Variants in TMCO4 observed in about 807,000 individuals in gnomAD.
TMCO4 encodes the protein transmembrane and coiled-coil domain-containing protein 4.
In TMCO4, 58 loss-of-function variants were observed where a neutral mutation model predicts 64.7. The ratio of observed to expected loss-of-function variants is 0.90; its 90% CI spans 0.73 to 1.12. The LOEUF is 1.12. Ranked by LOEUF, TMCO4 falls within the 50% of genes most tolerant of loss-of-function variation. The pLI is 0.00. For missense variants in TMCO4, 780 were observed against 825.9 expected (o/e 0.94, Z 0.68); for synonymous variants, 325 against 346.1 (o/e 0.94, Z 0.68).
intron 7 of TMCO4, among the ~76,000 whole-genome samples, chr1:19,754,543 G>C (rs2281248): frequency 6.6e-6 from 1 of 151,888 alleles, no homozygotes; most frequent in Non-Finnish European, 1.5e-5. Context: ...GCTGACCTCG[G>C]GTAACCTGGC....
At chr1:19,741,341 C>T (rs933800299) in intron 10 of TMCO4, among the ~76,000 whole-genome samples, 20 of 152,220 alleles carry the variant, frequency 1.3e-4, no homozygotes, top group Admixed American at 1.2e-3. Flanking sequence ...CATTAAGCTG[C>T]TAATGACATA....
At chr1:19,745,356 T>C in intron 10 of TMCO4, 176 bp downstream of exon 10, 1 of 966,120 alleles carries the variant, frequency 1.0e-6, no homozygotes, top group South Asian at 1.6e-5. Flanking sequence ...GGCGAGATGA[T>C]GGGCAGGTGG....
At chr1:19,686,566 GCTTTTAAA>G (rs1414925600) in intron 15 of TMCO4, among the ~76,000 whole-genome samples, 3 of 152,144 alleles carry the variant, frequency 2.0e-5, no homozygotes, top group African/African-American at 7.2e-5. Flanking sequence ...CCTCACGAAT[GCTTTTAAA>G]CAGATTCCAG....
chr1:19,742,628 A>G (rs762856545), intron 10 of TMCO4, among the ~76,000 whole-genome samples: 9 of 152,196 alleles, frequency 5.9e-5, no homozygotes, highest in Non-Finnish European at 1.2e-4. Context: ...AGCGAGAAGC[A>G]CAGGCTTGAT....
At chr1:19,795,131 G>A (rs2101156771) in intron 2 of TMCO4, among the ~76,000 whole-genome samples, 1 of 151,928 alleles carries the variant, frequency 6.6e-6, no homozygotes, top group African/African-American at 2.4e-5. Context: ...TGATTACGAT[G>A]GTAAATTTCA....
intron 7 of TMCO4, among the ~76,000 whole-genome samples, chr1:19,754,434 C>T (rs114671433): frequency 2.1e-3 from 326 of 152,250 alleles, no homozygotes; most frequent in African/African-American, 7.7e-3. Flanking sequence ...CCAAGTTTCC[C>T]CCTTTCTCAA....
In TMCO4 at chr1:19,754,174, T is replaced by C. The variant is rs185745980; in HGVS notation, c.515+1460A>G. Reference sequence around the variant, plus strand: ...TAGACCTTCTGGTTTATATCTTCCCTGACCTGGGGTTACCGGTATTATCAG... The same window carrying C: ...TAGACCTTCTGGTTTATATCTTCCCCGACCTGGGGTTACCGGTATTATCAG... On this transcript the variant is annotated intron_variant, in intron 7 of 15. Coordinates refer to ENST00000294543, the MANE Select transcript of TMCO4 (RefSeq NM_181719.7). 4.3e-4 allele frequency among the ~76,000 whole-genome samples: 66 copies of C among 152,348 alleles called. 1 individual carries two copies. In the East Asian group the frequency reaches 0.011, roughly 26 times the overall value.
chr1:19,746,538 G>A lies in TMCO4; in HGVS notation c.675C>T (p.Ser225=), dbSNP rs560034561. ...CTGAGCCCAGAGCCGCTGCCCCGGC[G>A]CTGCCAATAATCGTCGCTGCTCCAG... ...VAAGAATIIG[S]AGAAALGSAA... The change falls in exon 9 of 16, where the codon AGC becomes AGT. Residue 225 remains serine, a synonymous_variant. Transcript: ENST00000294543. The A allele has an allele frequency of 8.6e-5, 138 of 1,611,136 alleles. No homozygotes were observed. The highest frequency in any genetic ancestry group is 7.4e-4 in the Admixed American group (44 of 59,650).
At chr1:19,773,421 G>A (rs1369437515) in intron 4 of TMCO4, among the ~76,000 whole-genome samples, 1 of 152,092 alleles carries the variant, frequency 6.6e-6, no homozygotes, top group Non-Finnish European at 1.5e-5. Context: ...ATGACACTTC[G>A]GAACTGTCTC....
rs1342232716 is a variant in TMCO4 at position 19,746,683 on chromosome 1, G to C, written c.614-84C>G. On this transcript the variant is annotated intron_variant, in intron 8 of 15. Transcript: ENST00000294543. ...CTCACGCCTGTAATCCCAGCACTTT[G>C]GGAGGCCGAGGTGGGCGGATCACGA... is the stretch of plus-strand genomic sequence containing the variant. The C allele has an allele frequency of 3.4e-6, 5 of 1,486,698 alleles. No homozygotes were observed. In the African/African-American group the frequency reaches 6.9e-5, roughly 21 times the overall value. 92.1% of individuals were successfully genotyped at this position (1,486,698 alleles called of 1,614,324 possible). A position where few individuals can be genotyped will look rare whatever the true frequency, so the allele number is the denominator to read the frequency against.
chr1:19,690,662 T>C (rs2095185801), intron 15 of TMCO4, among the ~76,000 whole-genome samples: 1 of 152,156 alleles, frequency 6.6e-6, no homozygotes, highest in Admixed American at 6.5e-5. Context: ...GGTTTGCTGG[T>C]CTTGTGACTC....
chr1:19,702,469 C>T (rs1031558501), intron 13 of TMCO4, among the ~76,000 whole-genome samples: 1 of 152,010 alleles, frequency 6.6e-6, no homozygotes, highest in African/African-American at 2.4e-5. Context: ...GTGGCAAAAG[C>T]CTGTAATCCC....
intron 2 of TMCO4, among the ~76,000 whole-genome samples, chr1:19,796,598 T>C (rs1371373025): frequency 6.6e-6 from 1 of 152,132 alleles, no homozygotes; most frequent in Non-Finnish European, 1.5e-5. Flanking sequence ...TTTTTTGAGA[T>C]GGAGTCTTGC....
chr1:19,786,748 A>T (rs1000624923), intron 3 of TMCO4, among the ~76,000 whole-genome samples: 31 of 152,324 alleles, frequency 2.0e-4, no homozygotes, highest in East Asian at 3.9e-4. Flanking sequence ...TAAAATAAAA[A>T]TTTTTTTAAA....
In TMCO4 at chr1:19,747,225, CG is replaced by C; in HGVS notation, c.550del (p.Arg184GlyfsTer9). On this transcript the variant is annotated frameshift_variant, in exon 8 of 16. Transcript: ENST00000294543. LOFTEE classifies it high-confidence loss of function. ...AEASRKKKEN[R>X]RKWKRYLLIG... ...CAGGAGATAACGCTTCCATTTCCTC[CG>C]GTTTTCTTTCTTCTTTCGGGATGCC... 6.2e-7 allele frequency: 1 copy of C among 1,614,026 alleles called. No individual in the cohort carries two copies. The highest frequency in any genetic ancestry group is 8.5e-7 in the Non-Finnish European group (1 of 1,179,960).
intron 12 of TMCO4, among the ~76,000 whole-genome samples, chr1:19,738,570 T>C (rs2095465956): frequency 6.6e-6 from 1 of 152,274 alleles, no homozygotes; most frequent in African/African-American, 2.4e-5. Context: ...GCTCCAGATA[T>C]TGACACCCAG....
chr1:19,779,082 G>C (rs2043343213), intron 4 of TMCO4, among the ~76,000 whole-genome samples: 1 of 152,192 alleles, frequency 6.6e-6, no homozygotes, highest in African/African-American at 2.4e-5. Context: ...ACCCCAAACA[G>C]CTAAGACCCA....
intron 15 of TMCO4, among the ~76,000 whole-genome samples, chr1:19,689,702 CTTCAGCAGATGCTT>C (rs900694201): frequency 6.6e-6 from 1 of 152,234 alleles, no homozygotes; most frequent in African/African-American, 2.4e-5. Context: ...AAGCTACTTT[CTTCAGCAGATGCTT>C]TTTATCTCTG....
intron 2 of TMCO4, among the ~76,000 whole-genome samples, chr1:19,792,186 C>T (rs72658541): frequency 0.1 from 15,245 of 152,172 alleles, 857 homozygotes; most frequent in Admixed American, 0.16. Flanking sequence ...TGGACTAATA[C>T]ACCAAGGAAC....
Sources: gnomAD v4.1 joint callset for allele counts (sites outside exome capture counted in the v4.1 genomes callset) on GRCh38, gnomAD v4.1.1 for gene constraint, MANE v1.5 for transcripts, NCBI Gene and HGNC (gene_info 2026-07-23, HGNC 2026-07-21) for gene names.